Variants in IQGAP1 observed in about 807,000 individuals in gnomAD.
IQGAP1 encodes IQ motif containing GTPase activating protein 1.
IQGAP1 carries 66 observed loss-of-function variants against 215.6 expected under a neutral mutation model. The observed-to-expected ratio is 0.31, with a 90% confidence interval of 0.25 to 0.38. The LOEUF is 0.38. Ranked by LOEUF, IQGAP1 falls within the 10% of genes least tolerant of loss-of-function variation. IQGAP1 has a pLI of 1.00. For synonymous variants in IQGAP1, 772 were observed against 728.7 expected (o/e 1.06, Z -0.96); for missense variants, 1,712 against 1,997.1 (o/e 0.86, Z 2.72).
intron 2 of IQGAP1, among the ~76,000 whole-genome samples, chr15:90,405,292 C>T (rs917342942): frequency 6.6e-6 from 1 of 152,144 alleles, no homozygotes; most frequent in African/African-American, 2.4e-5. Flanking sequence ...GCTTAACTAT[C>T]ATTTTAGGGA....
intron 1 of IQGAP1, 75 bp downstream of exon 1, chr15:90,388,471 T>A (rs1286217517): frequency 1.8e-5 from 11 of 614,284 alleles, no homozygotes; most frequent in Admixed American, 3.3e-5. Context: ...TCCTGGGGGC[T>A]CGGCCGGGCG....
chr15:90,420,300 C>T lies in IQGAP1; in HGVS notation c.156-5810C>T, dbSNP rs959032962. On this transcript the variant is annotated intron_variant, in intron 2 of 37. Coordinates refer to ENST00000268182, the MANE Select transcript of IQGAP1 (RefSeq NM_003870.4). ...TGGTCAAGTGGCTTGCTGTCTTTCT[C>T]GGTAAGTGCGAGAGACAGGACATGG... Among the ~76,000 whole-genome samples, 6 of 152,208 alleles carry T rather than the reference C, an allele frequency of 3.9e-5. No individual in the cohort carries two copies. In the East Asian group the frequency reaches 7.7e-4, roughly 20 times the overall value.
intron 33 of IQGAP1, among the ~76,000 whole-genome samples, chr15:90,488,484 T>C (rs897587773): frequency 6.6e-6 from 1 of 152,164 alleles, no homozygotes; most frequent in Non-Finnish European, 1.5e-5. Context: ...GAATATTATA[T>C]ATTTTGAATT....
intron 31 of IQGAP1, 38 bp from the exon 32 acceptor site, chr15:90,486,916 T>C (rs1000799802): frequency 1.7e-5 from 27 of 1,602,226 alleles, no homozygotes; most frequent in Non-Finnish European, 2.1e-5. Flanking sequence ...TCTCCTCTCT[T>C]TATTACGCTG....
intron 5 of IQGAP1, among the ~76,000 whole-genome samples, chr15:90,438,516 G>A (rs951124076): frequency 5.3e-5 from 8 of 151,850 alleles, no homozygotes; most frequent in African/African-American, 1.9e-4. Context: ...TAATTAAAAA[G>A]TAAAAATATA....
rs191901583 is a variant in IQGAP1 at position 90,456,858 on chromosome 15, A to G, written c.1776+543A>G. ...AGCCGAGATTGCGCCACTGCACTCC[A>G]GTCTGGGGGACAGAGTAAGACTCCG... is the stretch of plus-strand genomic sequence containing the variant. On this transcript the variant is annotated intron_variant, in intron 15 of 37. Coordinates refer to ENST00000268182, the MANE Select transcript of IQGAP1 (RefSeq NM_003870.4). 7.1e-3 allele frequency among the ~76,000 whole-genome samples: 1,074 copies of G among 150,412 alleles called. 10 individuals carry two copies. Among genetic ancestry groups the G allele is most frequent in the African/African-American group, 0.025 (1,023 of 41,020 alleles).
At chr15:90,401,104 C>A (rs571834224) in intron 2 of IQGAP1, among the ~76,000 whole-genome samples, 110 of 152,102 alleles carry the variant, frequency 7.2e-4, no homozygotes, top group Middle Eastern at 3.4e-3. Context: ...TTGAGTTAGC[C>A]GAGTGAAGTG....
chr15:90,474,215 GT>G (rs1965947253), intron 22 of IQGAP1, 82 bp downstream of exon 22: 2 of 1,276,240 alleles, frequency 1.6e-6, no homozygotes, highest in Non-Finnish European at 2.2e-6. Flanking sequence ...GACCTCTTTT[GT>G]TATCCTGAAG....
chr15:90,389,984 C>T (rs982180212), intron 1 of IQGAP1, among the ~76,000 whole-genome samples: 5 of 148,948 alleles, frequency 3.4e-5, no homozygotes, highest in African/African-American at 4.9e-5. Context: ...TTTGATAGGG[C>T]ATGTGGAACA....
chr15:90,443,801 T>A (rs1965485992), intron 9 of IQGAP1, among the ~76,000 whole-genome samples: 1 of 152,148 alleles, frequency 6.6e-6, no homozygotes, highest in South Asian at 2.1e-4. Context: ...AGCACTTACA[T>A]ATCTGTAATC....
chr15:90,471,788 C>T (rs553787266), intron 18 of IQGAP1, among the ~76,000 whole-genome samples: 95 of 152,020 alleles, frequency 6.2e-4, no homozygotes, highest in African/African-American at 2.2e-3. Flanking sequence ...GCGTGAGCCA[C>T]CACGCCTGGC....
intron 2 of IQGAP1, among the ~76,000 whole-genome samples, chr15:90,416,679 G>T (rs923972850): frequency 6.6e-6 from 1 of 151,244 alleles, no homozygotes; most frequent in African/African-American, 2.4e-5. Context: ...CCGTGTTCAC[G>T]CCATTCTCCT....
intron 18 of IQGAP1, among the ~76,000 whole-genome samples, chr15:90,470,275 C>G (rs1965887754): frequency 1.3e-5 from 2 of 152,112 alleles, no homozygotes; most frequent in Non-Finnish European, 2.9e-5. Flanking sequence ...AAACAGCTAT[C>G]CTTTCTAAAG....
At chr15:90,415,202 A>G (rs1238372072) in intron 2 of IQGAP1, among the ~76,000 whole-genome samples, 6 of 152,166 alleles carry the variant, frequency 3.9e-5, no homozygotes, top group Admixed American at 3.9e-4. Flanking sequence ...TTTCTTATAA[A>G]TTACTGGCTA....
chr15:90,461,035 A>G (rs1355643355), intron 15 of IQGAP1, among the ~76,000 whole-genome samples: 55 of 147,656 alleles, frequency 3.7e-4, no homozygotes, highest in African/African-American at 1.3e-3. Flanking sequence ...GGCTGGGCGC[A>G]GTGCCTCATC....
chr15:90,474,925 T>A, intron 23 of IQGAP1: 1 of 429,466 alleles, frequency 2.3e-6, no homozygotes, highest in Non-Finnish European at 4.3e-6. Context: ...TTCTCCTCCC[T>A]CAACCTCCTA....
In IQGAP1 at chr15:90,484,311, G is replaced by A. The variant is rs138269416; in HGVS notation, c.3880G>A (p.Val1294Ile). 8.7e-4 allele frequency: 1,398 copies of A among 1,612,516 alleles called. 5 individuals carry two copies. In the African/African-American group the frequency reaches 0.016, roughly 19 times the overall value. ...YSDLVTLTKP[V>I]IYISIGEIIN... ...TGATTTAGTAACCCTCACCAAACCA[G>A]TAATCTACATTTCCATTGGTGAAAT... The change falls in exon 30 of 38, where the codon GTA becomes ATA. Residue 1294 changes from valine (V) to isoleucine (I), a missense_variant. Physicochemically the swap from Val to Ile is conservative, Grantham distance 29. Coordinates refer to ENST00000268182, the MANE Select transcript of IQGAP1 (RefSeq NM_003870.4).
At position 90,477,729 on chromosome 15, in the gene IQGAP1, A is replaced by T. The variant is rs1378055441; in HGVS notation, c.3169A>T (p.Ser1057Cys). Residue 1057 changes from serine (S) to cysteine (C), a missense_variant, in exon 26 of 38, where the codon AGT (serine) becomes TGT (cysteine). By Grantham distance (112) the Ser-to-Cys change is moderately radical. Coordinates refer to ENST00000268182, the MANE Select transcript of IQGAP1 (RefSeq NM_003870.4). ...TCCTACGGTTATTAAAATGGTTGTA[A>T]GTTTCAACCGTGGTGCCCGTGGCCA... ...GNPTVIKMVVSFNRGARGQNA... is the reference protein window; with the variant it reads ...GNPTVIKMVVCFNRGARGQNA... 6.2e-7 allele frequency: 1 copy of T among 1,614,030 alleles called. No individual in the cohort carries two copies. The highest frequency in any genetic ancestry group is 8.5e-7 in the Non-Finnish European group (1 of 1,179,964).
At chr15:90,410,051 C>T (rs565000075) in intron 2 of IQGAP1, among the ~76,000 whole-genome samples, 1 of 152,114 alleles carries the variant, frequency 6.6e-6, no homozygotes, top group African/African-American at 2.4e-5. Context: ...GGATATTAGC[C>T]CTTTGTCAGA....
Sources: gnomAD v4.1 joint callset for allele counts (sites outside exome capture counted in the v4.1 genomes callset) on GRCh38, gnomAD v4.1.1 for gene constraint, MANE v1.5 for transcripts, NCBI Gene and HGNC (gene_info 2026-07-23, HGNC 2026-07-21) for gene names.